TPM3: variants seen among roughly 807,000 people sequenced by gnomAD.
TPM3 encodes the protein tropomyosin 3.
A neutral mutation model predicts 43.1 loss-of-function variants in TPM3; 16 were observed. That is an observed-to-expected ratio of 0.37 (90% confidence interval 0.25 to 0.56). The LOEUF is 0.56. Among genes scored for constraint, TPM3 ranks in the 20% least tolerant of loss-of-function variants. The pLI, the probability that TPM3 is intolerant of heterozygous loss-of-function variation, is 0.77. For missense variants in TPM3, 176 were observed against 337.2 expected (o/e 0.52, Z 3.74); for synonymous variants, 101 against 116.9 (o/e 0.86, Z 0.88).
chr1:154,156,404 A>T (rs1659812143), downstream of TPM3: 1 of 187,794 alleles, frequency 5.3e-6, no homozygotes, highest in South Asian at 2.0e-4. Context: ...ACACTTGTCA[A>T]TATTCAGTAT....
intron 3 of TPM3, 91 bp downstream of exon 3, chr1:154,176,024 T>A: frequency 6.3e-7 from 1 of 1,595,772 alleles, no homozygotes; most frequent in Non-Finnish European, 8.5e-7. Context: ...GCAGCCAGAA[T>A]TGCTATTTAG....
chr1:154,155,317 A>T, downstream of TPM3: 1 of 455,116 alleles, frequency 2.2e-6, no homozygotes, highest in Non-Finnish European at 4.0e-6. Flanking sequence ...GTCTAAAAAA[A>T]ACCCTTTAAT....
At position 154,170,972 on chromosome 1, in the gene TPM3, AAGG is replaced by A. The variant is rs1353578417; in HGVS notation, c.643-264_643-262del. On this transcript the variant is annotated intron_variant, in intron 6 of 9. Transcript: ENST00000651641. ...GCTTTGATATTATTCAGATCAACCC[AAGG>A]AGGTGTTTTTCCTTTCCCCTGCTTG... 21 of 548,914 alleles carry A rather than the reference AAGG, an allele frequency of 3.8e-5. No individual in the cohort carries two copies. The East Asian group carries it at 5.7e-4, about 15-fold the overall frequency. 34.0% of individuals were successfully genotyped at this position (548,914 alleles called of 1,614,324 possible). A position where few individuals can be genotyped will look rare whatever the true frequency, so the allele number is the denominator to read the frequency against.
chr1:154,164,732 C>A lies in TPM3; in HGVS notation c.*3205G>T, dbSNP rs1215773195. Reference sequence around the variant, plus strand: ...AAAATAGAATTGTGTCAAGTAAGAACAAAATAAATCTGGAAATGAGTAGAT... The same window carrying A: ...AAAATAGAATTGTGTCAAGTAAGAAAAAAATAAATCTGGAAATGAGTAGAT... On this transcript the variant is annotated 3_prime_UTR_variant, in exon 10 of 10. Transcript: ENST00000651641. 6.6e-6 allele frequency among the ~76,000 whole-genome samples: 1 copy of A among 151,848 alleles called. No individual in the cohort carries two copies. The highest frequency in any genetic ancestry group is 6.6e-5 in the Admixed American group (1 of 15,248).
In TPM3 at chr1:154,163,494, C is replaced by A. The variant is rs139123540; in HGVS notation, c.*4443G>T. Among the ~76,000 whole-genome samples the A allele has an allele frequency of 2.5e-4, 38 of 152,318 alleles. No homozygotes were observed. Among genetic ancestry groups the A allele is most frequent in the Non-Finnish European group, 5.3e-4 (36 of 68,016 alleles). ...AAAGTATCAATGCATGTCCCATTTT[C>A]AGTTATCTTCCTTCTTAGCCTCTCT... On this transcript the variant is annotated 3_prime_UTR_variant, in exon 10 of 10. Coordinates refer to ENST00000651641, the MANE Select transcript of TPM3 (RefSeq NM_152263.4).
At chr1:154,183,551 C>T in intron 2 of TPM3, 3 of 348,608 alleles carry the variant, frequency 8.6e-6, no homozygotes, top group South Asian at 7.6e-5. Context: ...ATACCCGTCA[C>T]CCCTCACTGT....
chr1:154,188,989 G>A (rs1663543647), intron 2 of TPM3, among the ~76,000 whole-genome samples: 4 of 151,062 alleles, frequency 2.6e-5, no homozygotes, highest in Admixed American at 6.6e-5. Flanking sequence ...AAAATTACCC[G>A]GGCATGGTGG....
intron 2 of TPM3, chr1:154,183,126 C>T (rs1558061723): frequency 6.3e-7 from 1 of 1,598,144 alleles, no homozygotes; most frequent in East Asian, 2.2e-5. Flanking sequence ...CCATGGTGCC[C>T]ACCCAGCTAC....
At position 154,169,376 on chromosome 1, in the gene TPM3, G is replaced by C. The variant is rs779465347; in HGVS notation, c.783C>G (p.Leu261=). 1.2e-6 allele frequency: 2 copies of C among 1,614,228 alleles called. No homozygotes were observed. The highest frequency in any genetic ancestry group is 4.5e-5 in the East Asian group (2 of 44,886). Residue 261 remains leucine, a synonymous_variant, in exon 9 of 10, where the codon CTC becomes CTG. Coordinates refer to ENST00000651641, the MANE Select transcript of TPM3 (RefSeq NM_152263.4). The part of the protein sequence containing the change: ...EKTIDDLEDE[L]YAQKLKYKAI... ...CCTTGTACTTCAGTTTCTGGGCATA[G>C]AGCTCATCTGGACAGGCACAGGAAC...
At chr1:154,159,099 A>G (rs369125151), downstream of TPM3, 1 of 777,652 alleles carries the variant, frequency 1.3e-6, no homozygotes, top group Admixed American at 1.7e-5. Flanking sequence ...GAGGAAAAAG[A>G]GGAGGAGAAA....
Position 154,185,404 on chromosome 1 carries a change from C to G in TPM3, c.243+5782G>C, listed in dbSNP as rs192157647. On this transcript the variant is annotated intron_variant, in intron 2 of 9. Transcript: ENST00000651641. ...AAAAAAAAAAAAATGGCAAAACAGACCAGGCGCAGTGGCTCACACCTGTAA... is the reference window on the plus strand; with the variant it reads ...AAAAAAAAAAAAATGGCAAAACAGAGCAGGCGCAGTGGCTCACACCTGTAA... Among the ~76,000 whole-genome samples the G allele has an allele frequency of 8.4e-4, 117 of 139,554 alleles. 6 individuals carry two copies. The highest frequency in any genetic ancestry group is 3.1e-3 in the African/African-American group (112 of 36,230). The allele number at this position is 139,554 out of a possible 152,430, so 91.6% of individuals were successfully genotyped here. A position where few individuals can be genotyped will look rare whatever the true frequency, so the allele number is the denominator to read the frequency against.
intron 6 of TPM3, chr1:154,171,063 TG>T (rs1661522568): frequency 1.9e-6 from 1 of 533,206 alleles, no homozygotes; most frequent in Admixed American, 3.2e-5. Context: ...GATGGCAAAG[TG>T]AAGTCATCTG....
At chr1:154,188,315 C>A (rs1663502753) in intron 2 of TPM3, among the ~76,000 whole-genome samples, 2 of 151,680 alleles carry the variant, frequency 1.3e-5, no homozygotes, top group African/African-American at 4.9e-5. Flanking sequence ...CCTGGCCTCT[C>A]AAAGCAAAGT....
chr1:154,175,094 G>A (rs1662144106), intron 3 of TPM3, among the ~76,000 whole-genome samples: 1 of 152,070 alleles, frequency 6.6e-6, no homozygotes, highest in African/African-American at 2.4e-5. Context: ...CACACTGGGA[G>A]GCCGAGGCGG....
At chr1:154,174,947 A>G (rs1455522847) in intron 3 of TPM3, among the ~76,000 whole-genome samples, 1 of 152,146 alleles carries the variant, frequency 6.6e-6, no homozygotes, top group African/African-American at 2.4e-5. Context: ...TTTAACTCAC[A>G]TGTGGCAAGG....
At chr1:154,171,603 TACTG>T (rs1402967772) in intron 5 of TPM3, 115 bp from the exon 6 acceptor site, 1 of 1,145,790 alleles carries the variant, frequency 8.7e-7, no homozygotes, top group African/African-American at 1.5e-5. Context: ...TTGGAAGGCA[TACTG>T]GGGAAGAGAT....
rs1661328980 is a variant in TPM3 at position 154,169,342 on chromosome 1, C to T, written c.817G>A (p.Glu273Lys). 8.7e-6 allele frequency: 14 copies of T among 1,614,204 alleles called. No individual in the cohort carries two copies. The highest frequency in any genetic ancestry group is 1.1e-5 in the South Asian group (1 of 91,090). ...AQKLKYKAISEELDHALNDMT... is the reference protein window; with the variant it reads ...AQKLKYKAISKELDHALNDMT... ...TCATTGAGGGCGTGGTCCAGCTCCTCGCTAATGGCCTTGTACTTCAGTTTC... is the reference window on the plus strand; with the variant it reads ...TCATTGAGGGCGTGGTCCAGCTCCTTGCTAATGGCCTTGTACTTCAGTTTC... Residue 273 changes from glutamate to lysine, a missense_variant, in exon 9 of 10, where the codon GAG becomes AAG. Coordinates refer to ENST00000651641, the MANE Select transcript of TPM3 (RefSeq NM_152263.4).
chr1:154,157,834 C>G (rs571837382), downstream of TPM3: 36 of 750,152 alleles, frequency 4.8e-5, no homozygotes, highest in Middle Eastern at 2.3e-4. Context: ...AAAGCAGCTG[C>G]CTTCTCAGCC....
At chr1:154,188,670 G>A (rs1208689512) in intron 2 of TPM3, among the ~76,000 whole-genome samples, 6 of 115,484 alleles carry the variant, frequency 5.2e-5, no homozygotes, top group East Asian at 2.6e-4. Flanking sequence ...GCAAGACTCC[G>A]TCTCAAAAAA....
Sources: allele counts gnomAD v4.1 joint callset (sites outside exome capture counted in the v4.1 genomes callset), GRCh38; gene constraint gnomAD v4.1.1; transcripts MANE v1.5; gene names NCBI Gene and HGNC (gene_info 2026-07-23, HGNC 2026-07-21).